The following FILIP1 variants were observed in gnomAD, a reference collection of about 807,000 sequenced individuals.
FILIP1 encodes filamin-A-interacting protein 1.
FILIP1 carries 61 observed loss-of-function variants against 102.1 expected under a neutral mutation model. That is an observed-to-expected ratio of 0.60 (90% CI 0.49 to 0.74). The LOEUF is 0.74. Among genes scored for constraint, FILIP1 ranks in the 30% least tolerant of loss-of-function variants. The pLI, the probability that FILIP1 is intolerant of heterozygous loss-of-function variation, is 0.00. For missense variants in FILIP1, 1,314 were observed against 1,441.2 expected (o/e 0.91, Z 1.43); for synonymous variants, 491 against 526.9 (o/e 0.93, Z 0.93).
chr6:75,414,301 A>G (rs1481684748), intron 2 of FILIP1, among the ~76,000 whole-genome samples: 2 of 151,962 alleles, frequency 1.3e-5, no homozygotes, highest in Admixed American at 1.3e-4. Context: ...ACCTCCTAGA[A>G]AAAAGCAAAA....
chr6:75,308,863 G>T lies in FILIP1; in HGVS notation c.3470C>A (p.Pro1157His). The stretch of plus-strand genomic sequence containing the variant: ...ACCTTTTGACATAGGAATGCGGGTG[G>T]GTGTAGGCCGCTGGGATGACCCGTC... ...GQDGSSQRPT[P>H]TRIPMSKGMK... The change falls in exon 6 of 6, where the codon CCC becomes CAC. Residue 1157 changes from proline to histidine, a missense_variant. Coordinates refer to ENST00000237172, the MANE Select transcript of FILIP1 (RefSeq NM_015687.5). 1 of 1,614,080 alleles carries T rather than the reference G, an allele frequency of 6.2e-7. No homozygotes were observed. Among genetic ancestry groups the T allele is most frequent in the East Asian group, 2.2e-5 (1 of 44,876 alleles).
intron 4 of FILIP1, among the ~76,000 whole-genome samples, chr6:75,346,903 C>T (rs1419866661): frequency 1.3e-5 from 2 of 152,328 alleles, no homozygotes; most frequent in Non-Finnish European, 2.9e-5. Flanking sequence ...AGCTGGGTCA[C>T]TGGGCCTCTG....
At chr6:75,402,587 A>G (rs1776696348) in intron 2 of FILIP1, among the ~76,000 whole-genome samples, 2 of 152,196 alleles carry the variant, frequency 1.3e-5, no homozygotes, top group Admixed American at 1.3e-4. Flanking sequence ...CCATGTGACA[A>G]ATGGAACTCA....
chr6:75,428,793 CCTT>C (rs1253345707), intron 1 of FILIP1, among the ~76,000 whole-genome samples: 1 of 152,138 alleles, frequency 6.6e-6, no homozygotes, highest in Non-Finnish European at 1.5e-5. Flanking sequence ...ACTGACCAAA[CCTT>C]CTTTGCAGAC....
At chr6:75,292,577 A>T (rs1206359704) in exon 7 of FILIP1, 1 of 152,198 alleles carries the variant, frequency 6.6e-6, no homozygotes, top group African/African-American at 2.4e-5. Context: ...ATAAACTTTT[A>T]TTATAGTGAT....
chr6:75,480,431 G>C (rs1339456080), intron 1 of FILIP1, among the ~76,000 whole-genome samples: 1 of 151,364 alleles, frequency 6.6e-6, no homozygotes, highest in African/African-American at 2.4e-5. Context: ...TTAAGAGACA[G>C]AGTTGCACTC....
At chr6:75,441,604 A>G (rs1300694788) in intron 1 of FILIP1, among the ~76,000 whole-genome samples, 188 of 132,998 alleles carry the variant, frequency 1.4e-3, no homozygotes, top group African/African-American at 5.1e-3. Flanking sequence ...CTGGCCGGGC[A>G]GGGGGCTGAC....
At chr6:75,395,853 G>C (rs1776442911) in intron 2 of FILIP1, among the ~76,000 whole-genome samples, 1 of 152,140 alleles carries the variant, frequency 6.6e-6, no homozygotes, top group African/African-American at 2.4e-5. Flanking sequence ...ATGCAAGCAA[G>C]TTATTTTACG....
chr6:75,387,633 A>G (rs1389964457), intron 2 of FILIP1, among the ~76,000 whole-genome samples: 1 of 152,180 alleles, frequency 6.6e-6, no homozygotes, highest in Admixed American at 6.5e-5. Flanking sequence ...ACATTCCTCT[A>G]ATGACCAGTG....
At chr6:75,471,587 T>C (rs1409378618) in intron 1 of FILIP1, among the ~76,000 whole-genome samples, 1 of 152,206 alleles carries the variant, frequency 6.6e-6, no homozygotes, top group Non-Finnish European at 1.5e-5. Flanking sequence ...CAGAGTCAAC[T>C]AACTGTTGGA....
In FILIP1 at chr6:75,314,858, T is replaced by G. The variant is rs775441968; in HGVS notation, c.974A>C (p.Glu325Ala). 5 of 1,613,992 alleles carry G rather than the reference T, an allele frequency of 3.1e-6. No homozygotes were observed. The African/African-American group carries it at 6.7e-5, about 22-fold the overall frequency. The change falls in exon 5 of 6, where the codon GAG (glutamate) becomes GCG (alanine). Residue 325 changes from glutamate to alanine, a missense_variant. Around this residue, in one of 3 missense-constraint regions of FILIP1, gnomAD observed 494 missense variants for 511.2 expected, o/e 0.97. Coordinates refer to ENST00000237172, the MANE Select transcript of FILIP1 (RefSeq NM_015687.5). ...GAGTCTAAGTTGCCTATTGTGAGAC[T>G]CTTGATTAGCCAGTTTAGCGTTCAT... is the stretch of plus-strand genomic sequence containing the variant. ...EEMNAKLANQ[E>A]SHNRQLRLKL... is the part of the protein sequence containing the mutation.
At position 75,454,994 on chromosome 6, in the gene FILIP1, T is replaced by C. The variant is rs531191519; in HGVS notation, c.-7+38420A>G. The C allele has an allele frequency of 2.6e-5, 4 of 151,626 alleles. No homozygotes were observed. In the South Asian group the frequency reaches 8.3e-4, roughly 32 times the overall value. 9.4% of individuals were successfully genotyped at this position (151,626 alleles called of 1,614,324 possible). A position where few individuals can be genotyped will look rare whatever the true frequency, so the allele number is the denominator to read the frequency against. Reference sequence around the variant, plus strand: ...GGATAAGATCCGATCCTACAGTAAATAGAAAGGGTACCTAGGAGGTGGGAG... The same window carrying C: ...GGATAAGATCCGATCCTACAGTAAACAGAAAGGGTACCTAGGAGGTGGGAG... On this transcript the variant is annotated intron_variant, in intron 1 of 5. Coordinates refer to ENST00000237172, the MANE Select transcript of FILIP1 (RefSeq NM_015687.5).
At chr6:75,406,861 T>C (rs1776871060) in intron 2 of FILIP1, among the ~76,000 whole-genome samples, 1 of 152,096 alleles carries the variant, frequency 6.6e-6, no homozygotes, top group Non-Finnish European at 1.5e-5. Flanking sequence ...GGTTTCACCA[T>C]GTTGGTCAGG....
chr6:75,442,072 T>C (rs1319215448), intron 1 of FILIP1, among the ~76,000 whole-genome samples: 2 of 142,618 alleles, frequency 1.4e-5, no homozygotes, highest in Admixed American at 6.9e-5. Context: ...TCCTCACTTC[T>C]CAGACGGGGC....
chr6:75,372,386 G>T (rs1175699222), intron 2 of FILIP1, among the ~76,000 whole-genome samples: 1 of 141,244 alleles, frequency 7.1e-6, no homozygotes, highest in South Asian at 2.2e-4. Context: ...AAAAAAAAAA[G>T]GAATTAATAT....
At chr6:75,478,823 AT>A (rs1181017486) in intron 1 of FILIP1, among the ~76,000 whole-genome samples, 1 of 152,070 alleles carries the variant, frequency 6.6e-6, no homozygotes, top group Non-Finnish European at 1.5e-5. Flanking sequence ...CGGTAAACCA[AT>A]TTTTTTCAGA....
intron 2 of FILIP1, among the ~76,000 whole-genome samples, chr6:75,368,285 C>G (rs957655744): frequency 6.6e-6 from 1 of 152,162 alleles, no homozygotes; most frequent in Non-Finnish European, 1.5e-5. Context: ...TCTGTGAGGC[C>G]TAGGGCCCAC....
intron 2 of FILIP1, among the ~76,000 whole-genome samples, chr6:75,403,917 G>A (rs1466108591): frequency 2.6e-5 from 4 of 152,118 alleles, no homozygotes; most frequent in South Asian, 2.1e-4. Context: ...GCTCATATTC[G>A]TTAGATGACA....
intron 4 of FILIP1, among the ~76,000 whole-genome samples, chr6:75,338,588 C>T (rs1051741706): frequency 6.6e-6 from 1 of 152,222 alleles, no homozygotes; most frequent in African/African-American, 2.4e-5. Context: ...TAGTTATTCA[C>T]TGTAGTGATA....
Sources: allele counts gnomAD v4.1 joint callset (sites outside exome capture counted in the v4.1 genomes callset), GRCh38; gene constraint gnomAD v4.1.1; regional missense constraint gnomAD v4.1.1; transcripts MANE v1.5; gene names NCBI Gene and HGNC (gene_info 2026-07-23, HGNC 2026-07-21).